The following SFMBT1 variants were observed in gnomAD, a reference collection of about 807,000 sequenced individuals.
SFMBT1 encodes the protein Scm like with four mbt domains 1.
Under a neutral mutation model 108.7 loss-of-function variants are expected in SFMBT1, and 32 were observed. That is an observed-to-expected ratio of 0.29 (90% CI 0.22 to 0.40). The LOEUF (loss-of-function observed/expected upper bound fraction) is 0.40, where lower values mean the gene tolerates loss of function less well. SFMBT1 is among the 10% of genes least tolerant of loss of function. The probability of loss-of-function intolerance (pLI) is 1.00; values close to 1 mark genes in which losing one functional copy is unlikely to be tolerated. For synonymous variants in SFMBT1, 348 were observed against 369.5 expected (o/e 0.94, Z 0.67); for missense variants, 816 against 1,059.6 (o/e 0.77, Z 3.19).
chr3:53,005,491 G>T (rs1318594356), intron 1 of SFMBT1, among the ~76,000 whole-genome samples: 1 of 152,266 alleles, frequency 6.6e-6, no homozygotes, highest in African/African-American at 2.4e-5. Context: ...TGTTATTGTA[G>T]AAACAGGATT....
intron 1 of SFMBT1, among the ~76,000 whole-genome samples, chr3:52,984,499 T>C (rs906805874): frequency 1.3e-5 from 2 of 152,092 alleles, no homozygotes; most frequent in Admixed American, 1.3e-4. Context: ...CATTTCCCCA[T>C]AGCAATTCAG....
chr3:52,970,378 G>A (rs1237219808), intron 1 of SFMBT1, among the ~76,000 whole-genome samples: 1 of 151,874 alleles, frequency 6.6e-6, no homozygotes, highest in Non-Finnish European at 1.5e-5. Context: ...TATGAAATGT[G>A]GTCTTTCATA....
chr3:53,038,151 C>T (rs34121720), intron 1 of SFMBT1, among the ~76,000 whole-genome samples: 13,154 of 152,216 alleles, frequency 0.086, 594 homozygotes, highest in East Asian at 0.12. Context: ...GGGCATGCAC[C>T]TGTAGTCCTA....
chr3:52,951,133 G>GAAAAAAT (rs1559523671), intron 3 of SFMBT1, among the ~76,000 whole-genome samples: 1 of 47,480 alleles, frequency 2.1e-5, no homozygotes, highest in Non-Finnish European at 4.0e-5. Context: ...AAAAAAAAAA[G>GAAAAAAT]AAAAATCCAA....
intron 1 of SFMBT1, chr3:53,019,138 T>C (rs796107699): frequency 2.6e-5 from 4 of 152,176 alleles, no homozygotes; most frequent in African/African-American, 9.6e-5. Context: ...GAAAAAAATT[T>C]TTTTAATTAA....
At chr3:52,982,397 G>GT (rs900631885) in intron 1 of SFMBT1, among the ~76,000 whole-genome samples, 5 of 152,286 alleles carry the variant, frequency 3.3e-5, no homozygotes, top group African/African-American at 1.2e-4. Context: ...GAAAGAGGTT[G>GT]TAGATACGGC....
At chr3:53,015,115 G>A (rs1476708592) in intron 1 of SFMBT1, among the ~76,000 whole-genome samples, 1 of 151,796 alleles carries the variant, frequency 6.6e-6, no homozygotes, top group Non-Finnish European at 1.5e-5. Context: ...GAGGCTGAGT[G>A]GAAGGATCAT....
At chr3:53,033,207 C>T (rs957420263) in intron 1 of SFMBT1, among the ~76,000 whole-genome samples, 1 of 151,866 alleles carries the variant, frequency 6.6e-6, no homozygotes, top group African/African-American at 2.4e-5. Context: ...GTCGCCCAGG[C>T]TGGAGTGCAG....
intron 3 of SFMBT1, 57 bp downstream of exon 3, chr3:52,954,260 C>T (rs1575399321): frequency 6.4e-6 from 8 of 1,244,148 alleles, no homozygotes; most frequent in African/African-American, 3.0e-5. Flanking sequence ...AATGATAATA[C>T]AGAGATTCGA....
intron 1 of SFMBT1, among the ~76,000 whole-genome samples, chr3:52,972,074 T>A (rs190761144): frequency 6.6e-6 from 1 of 152,376 alleles, no homozygotes; most frequent in Non-Finnish European, 1.5e-5. Flanking sequence ...TCTTGACACT[T>A]CAGCATGGTT....
intron 14 of SFMBT1, among the ~76,000 whole-genome samples, chr3:52,915,640 C>G (rs752283413): frequency 7.9e-5 from 12 of 152,126 alleles, no homozygotes; most frequent in Non-Finnish European, 1.3e-4. Flanking sequence ...AAGAGAGGAC[C>G]CTGGACAAAA....
At position 53,040,968 on chromosome 3, in the gene SFMBT1, ATTTTTTTTTTTTTTT is replaced by A. The variant is rs57640588; in HGVS notation, c.-131+4833_-131+4847del. ...TACAGGCATGCACCAAGACACCTGAATTTTTTTTTTTTTTTTTTTTTTTTTTTTTTTTTTTGTAGA... is the reference window on the plus strand; with the variant it reads ...TACAGGCATGCACCAAGACACCTGAATTTTTTTTTTTTTTTTTTTTGTAGA... On this transcript the variant is annotated intron_variant, in intron 1 of 20. Transcript: ENST00000394752. Among the ~76,000 whole-genome samples, 66 of 46,392 alleles carry A rather than the reference ATTTTTTTTTTTTTTT, an allele frequency of 1.4e-3. 1 individual carries two copies. In the East Asian group the frequency reaches 0.037, roughly 26 times the overall value. 30.4% of individuals were successfully genotyped at this position (46,392 alleles called of 152,430 possible). A position where few individuals can be genotyped will look rare whatever the true frequency, so the allele number is the denominator to read the frequency against.
chr3:52,960,548 A>T (rs1273894591), intron 2 of SFMBT1, among the ~76,000 whole-genome samples: 1 of 152,200 alleles, frequency 6.6e-6, no homozygotes, highest in East Asian at 1.9e-4. Context: ...TCTGGTGGGA[A>T]TGTAAAATGG....
chr3:52,940,377 A>C (rs976052366), intron 4 of SFMBT1, among the ~76,000 whole-genome samples: 3 of 152,274 alleles, frequency 2.0e-5, no homozygotes, highest in Non-Finnish European at 4.4e-5. Flanking sequence ...AAACTGCTTA[A>C]AGAAAAATAA....
intron 1 of SFMBT1, among the ~76,000 whole-genome samples, chr3:52,974,750 G>C (rs760536425): frequency 6.6e-6 from 1 of 151,622 alleles, no homozygotes; most frequent in Non-Finnish European, 1.5e-5. Flanking sequence ...CAGCACTTTG[G>C]GGGGCTGAGG....
chr3:52,944,528 T>TA (rs1485940728), intron 3 of SFMBT1, among the ~76,000 whole-genome samples: 4 of 152,234 alleles, frequency 2.6e-5, no homozygotes, highest in African/African-American at 4.8e-5. Context: ...TTTTCTTTTT[T>TA]ATTTTTTTGA....
rs372680580 is a variant in SFMBT1 at position 52,916,098 on chromosome 3, T to G, written c.1480+52A>C. The G allele has an allele frequency of 3.2e-5, 47 of 1,451,772 alleles. No individual in the cohort carries two copies. In the African/African-American group the frequency reaches 6.3e-4, roughly 19 times the overall value. The allele number at this position is 1,451,772 out of a possible 1,614,324, so 89.9% of individuals were successfully genotyped here. ...TGTTTTAAGTTATTTTCAGATATAG[T>G]CCATTAAAAGAAACTAAGTCTTCTT... is the stretch of plus-strand genomic sequence containing the variant. On this transcript the variant is annotated intron_variant, in intron 14 of 20. Coordinates refer to ENST00000394752, the MANE Select transcript of SFMBT1 (RefSeq NM_016329.4).
At chr3:52,965,356 C>A in intron 2 of SFMBT1, among the ~76,000 whole-genome samples, 1 of 150,920 alleles carries the variant, frequency 6.6e-6, no homozygotes, top group East Asian at 1.9e-4. Flanking sequence ...TCTGAGGGAC[C>A]TGTGGGACAA....
rs1174929669 is a variant in SFMBT1, at chr3:52,998,933, G to A, written c.-130-29675C>T. On this transcript the variant is annotated intron_variant, in intron 1 of 20. Coordinates refer to ENST00000394752, the MANE Select transcript of SFMBT1 (RefSeq NM_016329.4). ...CTGGCACCCGCAGAGCTGCCCTGCC[G>A]GCCACCGACCACCATGGAGGGAGCA... is the stretch of plus-strand genomic sequence containing the variant. Among the ~76,000 whole-genome samples the A allele has an allele frequency of 2.7e-5, 4 of 150,730 alleles. 1 individual carries two copies. Among genetic ancestry groups the A allele is most frequent in the Non-Finnish European group, 6.0e-5 (4 of 67,220 alleles).
Sources: allele counts gnomAD v4.1 joint callset (sites outside exome capture counted in the v4.1 genomes callset), GRCh38; gene constraint gnomAD v4.1.1; transcripts MANE v1.5; gene names NCBI Gene and HGNC (gene_info 2026-07-23, HGNC 2026-07-21).